Variants in C8B observed in about 807,000 individuals in gnomAD.
The protein encoded by C8B is complement C8 beta chain.
In C8B, 67 loss-of-function variants were observed where a neutral mutation model predicts 64.6. The observed-to-expected ratio is 1.04, with a 90% CI of 0.85 to 1.27. The LOEUF (loss-of-function observed/expected upper bound fraction) is 1.27. Among genes scored for constraint, C8B ranks in the 50% most tolerant of loss-of-function variants. C8B has a pLI of 0.00. For synonymous variants in C8B, 284 were observed against 257.7 expected, an observed-to-expected ratio of 1.10 and a Z score of -0.98; for missense variants, 790 against 725.2, an observed-to-expected ratio of 1.09 and a Z score of -1.03.
intron 1 of C8B, among the ~76,000 whole-genome samples, chr1:56,962,278 A>G (rs898050846): frequency 6.6e-6 from 1 of 152,212 alleles, no homozygotes; most frequent in Non-Finnish European, 1.5e-5. Flanking sequence ...GAAGGTGGCA[A>G]TATAATGAAG....
At chr1:56,952,467 T>C (rs992791452) in intron 4 of C8B, among the ~76,000 whole-genome samples, 3 of 152,164 alleles carry the variant, frequency 2.0e-5, no homozygotes, top group Non-Finnish European at 4.4e-5. Context: ...CCAGTCACTG[T>C]TTTATCTCTG....
chr1:56,945,701 A>C, intron 7 of C8B, 120 bp downstream of exon 7: 1 of 1,244,038 alleles, frequency 8.0e-7, no homozygotes, highest in Non-Finnish European at 1.2e-6. Context: ...AAGAAGAGGA[A>C]GAGGAATCTG....
At chr1:56,943,624 G>T (rs944577312) in intron 8 of C8B, 72 bp downstream of exon 8, 7 of 1,557,188 alleles carry the variant, frequency 4.5e-6, no homozygotes, top group African/African-American at 2.7e-5. Context: ...AGGGAGGGAG[G>T]TGTTGTAATC....
chr1:56,950,848 T>G (rs560524830), intron 5 of C8B, among the ~76,000 whole-genome samples: 1 of 152,184 alleles, frequency 6.6e-6, no homozygotes. Flanking sequence ...AATGTTGGTA[T>G]GGAGAGCGGA....
chr1:56,958,546 G>A (rs1645133821), intron 2 of C8B, among the ~76,000 whole-genome samples: 1 of 152,114 alleles, frequency 6.6e-6, no homozygotes, highest in African/African-American at 2.4e-5. Context: ...GTGGGTTCCA[G>A]GAGTGTGTAA....
chr1:56,941,469 AATAG>A (rs771466723), intron 8 of C8B, among the ~76,000 whole-genome samples: 28 of 152,014 alleles, frequency 1.8e-4, no homozygotes, highest in Middle Eastern at 6.8e-3. Context: ...CAGACAGATA[AATAG>A]ATAGATAATA....
chr1:56,964,170 A>G (rs1645218515), intron 1 of C8B: 1 of 183,558 alleles, frequency 5.4e-6, no homozygotes, highest in Non-Finnish European at 1.0e-5. Flanking sequence ...ATGATGTTGT[A>G]GTGACAATTA....
intron 11 of C8B, among the ~76,000 whole-genome samples, chr1:56,930,346 A>G (rs983796775): frequency 2.0e-5 from 3 of 152,186 alleles, no homozygotes; most frequent in African/African-American, 4.8e-5. Context: ...ATCACAATTT[A>G]TCATGTGTCC....
intron 4 of C8B, 97 bp downstream of exon 4, chr1:56,954,589 G>A (rs1645074508): frequency 2.0e-6 from 3 of 1,491,978 alleles, no homozygotes; most frequent in South Asian, 2.3e-5. Context: ...AGGTGAGTGA[G>A]GACCTCTGTT....
At chr1:56,958,733 G>A (rs1002989296) in intron 2 of C8B, among the ~76,000 whole-genome samples, 1 of 152,176 alleles carries the variant, frequency 6.6e-6, no homozygotes, top group African/African-American at 2.4e-5. Context: ...TGGTGCAGAT[G>A]AAGCAATTAT....
chr1:56,952,262 A>G, intron 4 of C8B, 82 bp from the exon 5 acceptor site: 3 of 1,587,124 alleles, frequency 1.9e-6, no homozygotes, highest in Non-Finnish European at 2.6e-6. Flanking sequence ...CTGAACGAAA[A>G]CAAAAACTCC....
At chr1:56,939,257 G>A (rs1644816412) in intron 9 of C8B, among the ~76,000 whole-genome samples, 1 of 152,184 alleles carries the variant, frequency 6.6e-6, no homozygotes, top group South Asian at 2.1e-4. Flanking sequence ...TGTCACCATG[G>A]CATCGGCCAA....
intron 1 of C8B, among the ~76,000 whole-genome samples, chr1:56,964,726 A>G (rs1462907684): frequency 2.0e-5 from 3 of 152,178 alleles, no homozygotes; most frequent in Non-Finnish European, 2.9e-5. Flanking sequence ...ATTCTTTGTG[A>G]GAACATAGGC....
chr1:56,954,865 T>A, intron 3 of C8B, 38 bp from the exon 4 acceptor site: 1 of 1,613,982 alleles, frequency 6.2e-7, no homozygotes, highest in Non-Finnish European at 8.5e-7. Flanking sequence ...AGCCACATGG[T>A]TGGCAAGAAA....
At chr1:56,934,761 A>T (rs916594901) in intron 9 of C8B, among the ~76,000 whole-genome samples, 54 of 152,284 alleles carry the variant, frequency 3.5e-4, no homozygotes, top group African/African-American at 1.3e-3. Context: ...CTGTTTGCAG[A>T]ACCATCCAAC....
At chr1:56,960,984 T>C (rs1645171543) in intron 1 of C8B, among the ~76,000 whole-genome samples, 1 of 152,074 alleles carries the variant, frequency 6.6e-6, no homozygotes, top group Admixed American at 6.6e-5. Context: ...CATGGAAAGC[T>C]ATGGAAGAGG....
chr1:56,949,931 A>G (rs1364824032), intron 5 of C8B, among the ~76,000 whole-genome samples, 179 bp from the exon 6 acceptor site: 1 of 152,156 alleles, frequency 6.6e-6, no homozygotes, highest in Non-Finnish European at 1.5e-5. Flanking sequence ...AGTAGCAGAG[A>G]CAGACCTGAT....
At chr1:56,943,097 A>G (rs1281337734) in intron 8 of C8B, among the ~76,000 whole-genome samples, 1 of 151,726 alleles carries the variant, frequency 6.6e-6, no homozygotes, top group African/African-American at 2.4e-5. Flanking sequence ...TAAAAAATAA[A>G]AAATAAATAA....
chr1:56,957,737 A>AG (rs1163433566), intron 2 of C8B, among the ~76,000 whole-genome samples: 7 of 152,170 alleles, frequency 4.6e-5, no homozygotes, highest in Non-Finnish European at 8.8e-5. Context: ...TGTATCCCCT[A>AG]GCCTGTTCTC....
Sources: allele counts gnomAD v4.1 joint callset (sites outside exome capture counted in the v4.1 genomes callset), GRCh38; gene constraint gnomAD v4.1.1; transcripts MANE v1.5; gene names NCBI Gene and HGNC (gene_info 2026-07-23, HGNC 2026-07-21).